SEC24C: variants seen among roughly 807,000 people sequenced by gnomAD.
SEC24C encodes protein transport protein Sec24C.
A neutral mutation model predicts 117.0 loss-of-function variants in SEC24C; 22 were observed. The observed-to-expected ratio is 0.19, with a 90% CI of 0.13 to 0.27. The LOEUF (loss-of-function observed/expected upper bound fraction) is 0.27, where lower values mean the gene tolerates loss of function less well. Among genes scored for constraint, SEC24C ranks in the 10% least tolerant of loss-of-function variants. The probability of loss-of-function intolerance (pLI) is 1.00; values close to 1 mark genes in which losing one functional copy is unlikely to be tolerated. For synonymous variants in SEC24C, 506 were observed against 529.4 expected (o/e 0.96, Z 0.61); for missense variants, 1,155 against 1,375.1 (o/e 0.84, Z 2.53).
At position 73,769,221 on chromosome 10, in the gene SEC24C, G is replaced by A; in HGVS notation, c.2424+69G>A. On this transcript the variant is annotated intron_variant, in intron 17 of 22. Transcript: ENST00000345254. The surrounding 1 kb of genome is among the most constrained non-coding windows in gnomAD (Gnocchi z 4.5). ...CTTGGTATAGAAGAGGGTGAGGAAT[G>A]GGTAGAGAGCACTAAAAGAAGAGAC... 1 of 1,596,580 alleles carries A rather than the reference G, an allele frequency of 6.3e-7. No individual in the cohort carries two copies. The highest frequency in any genetic ancestry group is 8.5e-7 in the Non-Finnish European group (1 of 1,170,586).
Position 73,769,660 on chromosome 10 carries a change from C to G in SEC24C, c.2609C>G (p.Thr870Arg). 1 of 1,614,144 alleles carries G rather than the reference C, an allele frequency of 6.2e-7. No homozygotes were observed. The highest frequency in any genetic ancestry group is 1.1e-5 in the South Asian group (1 of 91,086). Residue 870 changes from threonine to arginine, a missense_variant, in exon 19 of 23, where the codon ACG becomes AGG. This residue lies in a region of SEC24C where 759 missense variants were observed against 992.3 expected (regional missense o/e 0.76). Transcript: ENST00000345254. This position sits in a 1 kb window ranked among gnomAD's most constrained non-coding sequence, Gnocchi z 4.5. ...LNSPVKAVRDTLITQCAQILA... is the reference protein window; with the variant it reads ...LNSPVKAVRDRLITQCAQILA... ...AGCCCTGTGAAGGCTGTTCGTGACA[C>G]GCTCATCACCCAGTGTGCCCAGATC... is the stretch of plus-strand genomic sequence containing the variant.
At chr10:73,759,569 T>C in intron 3 of SEC24C, 53 bp from the exon 4 acceptor site, 1 of 1,411,958 alleles carries the variant, frequency 7.1e-7, no homozygotes, top group Middle Eastern at 1.9e-4. Context: ...TTCTGTAGAC[T>C]TCAAAGGGTG....
At chr10:73,759,933 C>A (rs35972789) in intron 4 of SEC24C, 85 bp from the exon 5 acceptor site, 49,367 of 1,502,010 alleles carry the variant, frequency 0.033, 963 homozygotes, top group Middle Eastern at 0.054. Flanking sequence ...CATATTTGCC[C>A]CTCTTGTGTG....
chr10:73,759,455 A>G (rs1565040967), intron 3 of SEC24C, among the ~76,000 whole-genome samples, 167 bp from the exon 4 acceptor site: 1 of 152,258 alleles, frequency 6.6e-6, no homozygotes, highest in Non-Finnish European at 1.5e-5. Flanking sequence ...ATAATCAGGA[A>G]TATAATTTAC....
chr10:73,745,407 G>A (rs1270597020), intron 1 of SEC24C, among the ~76,000 whole-genome samples: 1 of 151,204 alleles, frequency 6.6e-6, no homozygotes, highest in Non-Finnish European at 1.5e-5. Context: ...TGAGGGATGA[G>A]GTGAATGATT....
Position 73,769,432 on chromosome 10 carries a change from A to G in SEC24C, c.2510A>G (p.Asp837Gly), listed in dbSNP as rs1302457752. ...CTGAACTGCTGCACCCAGCTGGCTGATCTATATCGAAACTGTGAGACTGAC... is the reference window on the plus strand; with the variant it reads ...CTGAACTGCTGCACCCAGCTGGCTGGTCTATATCGAAACTGTGAGACTGAC... ...LALNCCTQLA[D>G]LYRNCETDTL... Residue 837 changes from aspartate to glycine, a missense_variant, in exon 18 of 23, where the codon GAT becomes GGT. Transcript: ENST00000345254. This position sits in a 1 kb window ranked among gnomAD's most constrained non-coding sequence, Gnocchi z 4.5. The G allele has an allele frequency of 6.2e-7, 1 of 1,614,080 alleles. No individual in the cohort carries two copies. The highest frequency in any genetic ancestry group is 1.1e-5 in the South Asian group (1 of 91,078).
intron 2 of SEC24C, among the ~76,000 whole-genome samples, chr10:73,747,946 A>C (rs1156882369): frequency 6.6e-6 from 1 of 151,892 alleles, no homozygotes; most frequent in East Asian, 1.9e-4. Context: ...GGCGTGAGCC[A>C]CCACACCTGG....
Position 73,769,416 on chromosome 10 carries a change from T to G in SEC24C, c.2494T>G (p.Cys832Gly), listed in dbSNP as rs201770092. The G allele has an allele frequency of 1.4e-5, 22 of 1,614,036 alleles. No homozygotes were observed. Among genetic ancestry groups the G allele is most frequent in the Middle Eastern group, 1.6e-4 (1 of 6,084 alleles). Reference protein sequence around the residue: ...LRIHNLALNCCTQLADLYRNC... With the variant: ...LRIHNLALNCGTQLADLYRNC... The stretch of plus-strand genomic sequence containing the variant: ...CATCCATAATCTGGCCCTGAACTGC[T>G]GCACCCAGCTGGCTGATCTATATCG... The change falls in exon 18 of 23, where the codon TGC (cysteine) becomes GGC (glycine). Residue 832 changes from cysteine (C) to glycine (G), a missense_variant. By Grantham distance (159) the Cys-to-Gly change is radical. Around this residue, in one of 2 missense-constraint regions of SEC24C, gnomAD observed 759 missense variants for 992.3 expected, o/e 0.76. Coordinates refer to ENST00000345254, the MANE Select transcript of SEC24C (RefSeq NM_198597.3). The surrounding 1 kb of genome is among the most constrained non-coding windows in gnomAD (Gnocchi z 4.5).
rs1229552028 is a variant in SEC24C, at chr10:73,768,113, G to C, written c.2181+106G>C. 4 of 1,078,528 alleles carry C rather than the reference G, an allele frequency of 3.7e-6. No homozygotes were observed. In the South Asian group the frequency reaches 4.8e-5, roughly 13 times the overall value. The allele number at this position is 1,078,528 out of a possible 1,614,324, so 66.8% of individuals were successfully genotyped here. A position where few individuals can be genotyped will look rare whatever the true frequency, so the allele number is the denominator to read the frequency against. On this transcript the variant is annotated intron_variant, in intron 15 of 22. Coordinates refer to ENST00000345254, the MANE Select transcript of SEC24C (RefSeq NM_198597.3). Reference sequence around the variant, plus strand: ...AGAAATAGTGTTGGGGCCAGGCACGGTGCCTCACACCTGTAATCCTAGCAC... The same window carrying C: ...AGAAATAGTGTTGGGGCCAGGCACGCTGCCTCACACCTGTAATCCTAGCAC...
intron 8 of SEC24C, 46 bp from the exon 9 acceptor site, chr10:73,765,405 A>T (rs1304447742): frequency 6.3e-7 from 1 of 1,587,750 alleles, no homozygotes; most frequent in East Asian, 2.3e-5. Context: ...GGCTGAACCT[A>T]CTGTGGTTTT....
intron 3 of SEC24C, among the ~76,000 whole-genome samples, chr10:73,758,689 A>G (rs768707938): frequency 2.8e-4 from 43 of 152,176 alleles, no homozygotes; most frequent in Non-Finnish European, 5.7e-4. Flanking sequence ...GACTTCTTTA[A>G]TTTAGCATAA....
chr10:73,770,074 G>T, intron 20 of SEC24C, 59 bp downstream of exon 20: 1 of 1,498,360 alleles, frequency 6.7e-7, no homozygotes, highest in African/African-American at 1.4e-5. Flanking sequence ...CTTAGGAGGA[G>T]GAAAGGATAG....
intron 6 of SEC24C, chr10:73,762,303 A>G (rs538011880): frequency 1.4e-5 from 7 of 497,396 alleles, no homozygotes; most frequent in South Asian, 3.6e-5. Context: ...CCTTCTAGAT[A>G]CTCACTTATA....
chr10:73,769,587 C>A lies in SEC24C; in HGVS notation c.2564-28C>A. 6.2e-7 allele frequency: 1 copy of A among 1,613,004 alleles called. No individual in the cohort carries two copies. Among genetic ancestry groups the A allele is most frequent in the Non-Finnish European group, 8.5e-7 (1 of 1,179,086 alleles). ...AATGCACACATGATGGGCAGCTGAC[C>A]AGTGACTATCTTTGCTTTCCCATCC... On this transcript the variant is annotated intron_variant, in intron 18 of 22. Transcript: ENST00000345254. The surrounding 1 kb of genome is among the most constrained non-coding windows in gnomAD (Gnocchi z 4.5).
In SEC24C at chr10:73,769,224, TAG is replaced by T; in HGVS notation, c.2424+77_2424+78del. On this transcript the variant is annotated intron_variant, in intron 17 of 22. Coordinates refer to ENST00000345254, the MANE Select transcript of SEC24C (RefSeq NM_198597.3). The surrounding 1 kb of genome is among the most constrained non-coding windows in gnomAD (Gnocchi z 4.5). ...GGTATAGAAGAGGGTGAGGAATGGG[TAG>T]AGAGCACTAAAAGAAGAGACAGGGC... is the stretch of plus-strand genomic sequence containing the variant. 1 of 1,592,430 alleles carries T rather than the reference TAG, an allele frequency of 6.3e-7. No homozygotes were observed. Among genetic ancestry groups the T allele is most frequent in the African/African-American group, 1.3e-5 (1 of 74,342 alleles).
intron 20 of SEC24C, 96 bp downstream of exon 20, chr10:73,770,111 ATTTGTT>A (rs1459644651): frequency 1.8e-5 from 24 of 1,297,910 alleles, no homozygotes; most frequent in Non-Finnish European, 2.3e-5. Context: ...CACTAGTGGA[ATTTGTT>A]TTTATGTATT....
chr10:73,749,668 C>G (rs935096773), intron 2 of SEC24C, among the ~76,000 whole-genome samples: 1 of 151,914 alleles, frequency 6.6e-6, no homozygotes, highest in Non-Finnish European at 1.5e-5. Context: ...CTCAGCCTCC[C>G]GAATAGCTGG....
chr10:73,760,087 A>C lies in SEC24C; in HGVS notation c.551A>C (p.Gln184Pro). 1 of 1,612,222 alleles carries C rather than the reference A, an allele frequency of 6.2e-7. No individual in the cohort carries two copies. The highest frequency in any genetic ancestry group is 8.5e-7 in the Non-Finnish European group (1 of 1,178,494). The change falls in exon 5 of 23, where the codon CAG becomes CCG. Residue 184 changes from glutamine to proline, a missense_variant. Gln to Pro is a moderately conservative substitution (Grantham distance 76, BLOSUM62 -1). Transcript: ENST00000345254. The part of the protein sequence containing the change: ...PNSGLYGSYP[Q>P]GQAPPLSQAQ... ...TCTGGTCTGTATGGCTCCTATCCTC[A>C]GGGCCAGGCTCCTCCCCTTAGCCAG...
At position 73,746,803 on chromosome 10, in the gene SEC24C, A is replaced by C. The variant is rs1165174498; in HGVS notation, c.-28-2A>C. ...TTGACTAATTTCTCCTCTCTCTCAC[A>C]GGTGAGATCAAATTGGGAATGCTTT... On this transcript the variant is annotated splice_acceptor_variant, in intron 1 of 22. Coordinates refer to ENST00000345254, the MANE Select transcript of SEC24C (RefSeq NM_198597.3). LOFTEE classifies it low-confidence loss of function (5UTR_SPLICE). 6.4e-7 allele frequency: 1 copy of C among 1,571,030 alleles called. No homozygotes were observed. Among genetic ancestry groups the C allele is most frequent in the Non-Finnish European group, 8.7e-7 (1 of 1,151,862 alleles).
Sources: gnomAD v4.1 joint callset for allele counts (sites outside exome capture counted in the v4.1 genomes callset) on GRCh38, gnomAD v4.1.1 for gene constraint, gnomAD v4.1.1 regional missense constraint, Gnocchi (gnomAD v3.1) non-coding constraint, MANE v1.5 for transcripts, NCBI Gene and HGNC (gene_info 2026-07-23, HGNC 2026-07-21) for gene names.